Variants in FANCD2OS observed in about 807,000 individuals in gnomAD.
The protein encoded by FANCD2OS is FANCD2 opposite strand protein.
A neutral mutation model predicts 13.2 loss-of-function variants in FANCD2OS; 11 were observed. The observed-to-expected ratio is 0.83, with a 90% CI of 0.52 to 1.38. The LOEUF (loss-of-function observed/expected upper bound fraction) is 1.38. Among genes scored for constraint, FANCD2OS ranks in the 40% most tolerant of loss-of-function variants. FANCD2OS has a pLI of 0.00. For missense variants in FANCD2OS, 217 were observed against 213.9 expected (o/e 1.01, Z -0.09); for synonymous variants, 69 against 84.5 (o/e 0.82, Z 1.01).
intron 1 of FANCD2OS, among the ~76,000 whole-genome samples, chr3:10,107,585 C>G (rs573330660): frequency 6.6e-6 from 1 of 151,766 alleles, no homozygotes; most frequent in South Asian, 2.1e-4. Flanking sequence ...CGGGCCCGGG[C>G]CCCCCGGATC....
At chr3:10,089,549 A>G (rs1183729037) in intron 2 of FANCD2OS, among the ~76,000 whole-genome samples, 1 of 152,086 alleles carries the variant, frequency 6.6e-6, no homozygotes, top group Non-Finnish European at 1.5e-5. Context: ...AGCTCACTGC[A>G]ACCTCCACCT....
Position 10,104,315 on chromosome 3 carries a change from G to C in FANCD2OS, c.460C>G (p.Gln154Glu), listed in dbSNP as rs1695406420. 6.2e-7 allele frequency: 1 copy of C among 1,614,076 alleles called. No individual in the cohort carries two copies. Among genetic ancestry groups the C allele is most frequent in the African/African-American group, 1.3e-5 (1 of 74,930 alleles). ...QIQMTVTMCK[Q>E]MLRSILLLYA... Reference sequence around the variant, plus strand: ...AGCAAGAGGATAGAGCGCAGCATCTGTTTGCACATAGTGACTGTCATCTGA... The same window carrying C: ...AGCAAGAGGATAGAGCGCAGCATCTCTTTGCACATAGTGACTGTCATCTGA... Residue 154 changes from glutamine (Q) to glutamate (E), a missense_variant, in exon 2 of 2, where the codon CAG (glutamine) becomes GAG (glutamate). By Grantham distance (29) the Gln-to-Glu change is conservative. Transcript: ENST00000450660.
intron 2 of FANCD2OS, among the ~76,000 whole-genome samples, chr3:10,093,091 C>T (rs1694750182): frequency 1.3e-5 from 2 of 152,128 alleles, no homozygotes. Context: ...TCTCTTTGCT[C>T]GTCTCTTCCT....
At chr3:10,101,152 C>T (rs1695275616), downstream of FANCD2OS, 1 of 1,526,414 alleles carries the variant, frequency 6.6e-7, no homozygotes. Context: ...AGAGCAGTAA[C>T]CTAAAATGCT....
chr3:10,096,198 G>A, intron 2 of FANCD2OS: 1 of 933,340 alleles, frequency 1.1e-6, no homozygotes. Context: ...ATTCCTGTTT[G>A]ATGGAACATA....
At chr3:10,101,375 C>A, downstream of FANCD2OS, 3 of 581,572 alleles carry the variant, frequency 5.2e-6, no homozygotes, top group Non-Finnish European at 8.8e-6. Flanking sequence ...TTTTTTGTTC[C>A]TCTTTTTTTT....
At chr3:10,088,403 G>C in intron 2 of FANCD2OS, 1 of 1,139,156 alleles carries the variant, frequency 8.8e-7, no homozygotes, top group East Asian at 2.3e-5. Context: ...GCAAGAATGA[G>C]GTCAAGTTCC....
At chr3:10,096,938 T>G (rs1394390172) in intron 2 of FANCD2OS, among the ~76,000 whole-genome samples, 2 of 152,168 alleles carry the variant, frequency 1.3e-5, no homozygotes, top group African/African-American at 4.8e-5. Flanking sequence ...TTTTCCTAAG[T>G]GTCAGCTGGC....
intron 2 of FANCD2OS, chr3:10,086,031 A>T: frequency 1.3e-6 from 1 of 760,368 alleles, no homozygotes; most frequent in Non-Finnish European, 2.4e-6. Context: ...TGTAAAGGAA[A>T]TTATTTTCAG....
intron 2 of FANCD2OS, chr3:10,081,602 G>C (rs537438485): frequency 1.3e-6 from 1 of 770,816 alleles, no homozygotes; most frequent in Admixed American, 1.8e-5. Context: ...TTGTGGGAGT[G>C]TTTTTGTCTG....
Position 10,105,765 on chromosome 3 carries a change from AAAAAAATTAT to A in FANCD2OS, c.-8-993_-8-984del, listed in dbSNP as rs1695460968. On this transcript the variant is annotated intron_variant, in intron 1 of 1. Transcript: ENST00000450660. ...GACTCCATCTAAAAAAAAAAAAAAA[AAAAAAATTAT>A]ATATATATATATATATATATATATA... is the stretch of plus-strand genomic sequence containing the variant. Among the ~76,000 whole-genome samples, 9 of 62,670 alleles carry A rather than the reference AAAAAAATTAT, an allele frequency of 1.4e-4. 1 individual carries two copies. The highest frequency in any genetic ancestry group is 9.5e-4 in the African/African-American group (9 of 9,516). The allele number at this position is 62,670 out of a possible 152,430, so 41.1% of individuals were successfully genotyped here.
intron 1 of FANCD2OS, among the ~76,000 whole-genome samples, chr3:10,107,262 A>G (rs1481944453): frequency 6.6e-6 from 1 of 151,420 alleles, no homozygotes; most frequent in African/African-American, 2.4e-5. Flanking sequence ...TTAAAAAAGT[A>G]TTTAATCCCA....
intron 2 of FANCD2OS, among the ~76,000 whole-genome samples, chr3:10,096,743 C>T (rs1157443683): frequency 6.6e-6 from 1 of 152,236 alleles, no homozygotes; most frequent in African/African-American, 2.4e-5. Flanking sequence ...GTACAAACCT[C>T]TCTCCACAGC....
intron 2 of FANCD2OS, chr3:10,088,856 CTGAAGGCCATAGAGGAGAT>C: frequency 6.2e-7 from 1 of 1,614,184 alleles, no homozygotes; most frequent in South Asian, 1.1e-5. Flanking sequence ...AGAGAGCATT[CTGAAGGCCATAGAGGAGAT>C]TGCTGGTGTT....
At position 10,104,451 on chromosome 3, in the gene FANCD2OS, T is replaced by G. The variant is rs751573370; in HGVS notation, c.324A>C (p.Thr108=). The G allele has an allele frequency of 8.1e-6, 13 of 1,614,092 alleles. No homozygotes were observed. The highest frequency in any genetic ancestry group is 8.5e-7 in the Non-Finnish European group (1 of 1,180,032). ...GVDSVFGRVI[T]AQPPKWTGTF... ...TCCCGGTCCACTTTGGTGGCTGAGCTGTGATAACCCTGCCAAAGACAGAAT... is the reference window on the plus strand; with the variant it reads ...TCCCGGTCCACTTTGGTGGCTGAGCGGTGATAACCCTGCCAAAGACAGAAT... The change falls in exon 2 of 2, where the codon ACA becomes ACC. Residue 108 remains threonine (T), a synonymous_variant. Transcript: ENST00000450660.
chr3:10,089,023 C>G, intron 2 of FANCD2OS: 2 of 1,548,490 alleles, frequency 1.3e-6, no homozygotes, highest in Non-Finnish European at 8.9e-7. Context: ...TGGCACACAC[C>G]TGTAATCCCA....
At chr3:10,093,480 C>A (rs558502169) in intron 2 of FANCD2OS, among the ~76,000 whole-genome samples, 23 of 152,268 alleles carry the variant, frequency 1.5e-4, no homozygotes, top group African/African-American at 4.8e-4. Context: ...ATTTTCCCAC[C>A]CTAGTTGGAT....
chr3:10,089,207 C>T (rs772315142), intron 2 of FANCD2OS, among the ~76,000 whole-genome samples: 2 of 151,960 alleles, frequency 1.3e-5, no homozygotes, highest in Non-Finnish European at 1.5e-5. Context: ...ATTGCTTGAA[C>T]CTGGGAGGCG....
Position 10,108,154 on chromosome 3 carries a change from A to T in FANCD2OS, c.-148T>A, listed in dbSNP as rs1695553862. 6.6e-6 allele frequency: 1 copy of T among 152,214 alleles called. No homozygotes were observed. Among genetic ancestry groups the T allele is most frequent in the South Asian group, 2.1e-4 (1 of 4,828 alleles). 9.4% of individuals were successfully genotyped at this position (152,214 alleles called of 1,614,324 possible). A position where few individuals can be genotyped will look rare whatever the true frequency, so the allele number is the denominator to read the frequency against. On this transcript the variant is annotated 5_prime_UTR_variant, in exon 1 of 2. An upstream open reading frame in the 5' UTR loses its in-frame stop. Transcript: ENST00000450660. ...AGGGGCTTGGGCCTCCTGGGTCCCT[A>T]TCCGGGGGCGGGGACCAGAAGGTTC...
Sources: allele counts gnomAD v4.1 joint callset (sites outside exome capture counted in the v4.1 genomes callset), GRCh38; gene constraint gnomAD v4.1.1; transcripts MANE v1.5; gene names NCBI Gene and HGNC (gene_info 2026-07-23, HGNC 2026-07-21).